The following SLC30A6 variants were observed in gnomAD, a reference collection of about 807,000 sequenced individuals.
The protein encoded by SLC30A6 is zinc transporter 6.
Under a neutral mutation model 63.0 loss-of-function variants are expected in SLC30A6, and 55 were observed. The observed-to-expected ratio is 0.87, with a 90% CI of 0.70 to 1.09. The LOEUF is 1.09. Among genes scored for constraint, SLC30A6 ranks in the 50% least tolerant of loss-of-function variants. The pLI, the probability that SLC30A6 is intolerant of heterozygous loss-of-function variation, is 0.00. For missense variants in SLC30A6, 587 were observed against 549.2 expected (o/e 1.07, Z -0.69); for synonymous variants, 224 against 186.1 (o/e 1.20, Z -1.66).
chr2:32,192,320 A>G lies in SLC30A6; in HGVS notation c.285-16A>G. The G allele has an allele frequency of 3.7e-6, 6 of 1,611,414 alleles. No individual in the cohort carries two copies. In the South Asian group the frequency reaches 6.6e-5, roughly 18 times the overall value. On this transcript the variant is annotated splice_polypyrimidine_tract_variant and intron_variant, in intron 5 of 13. Transcript: ENST00000282587. ...TTGAAAGAATTGTGATGATCTAATT[A>G]ATGTTTTGGTTTCAGGTTTGAAAGA... is the stretch of plus-strand genomic sequence containing the variant.
rs183331834 is a variant in SLC30A6 at position 32,176,432 on chromosome 2, G to C, written c.218+1071G>C. ...CCAGCACTTTGGGAAGCTGAGGAGG[G>C]TGGATCACAAAGTCAGGAGTTCGAG... On this transcript the variant is annotated intron_variant, in intron 4 of 13. Coordinates refer to ENST00000282587, the MANE Select transcript of SLC30A6 (RefSeq NM_017964.5). Among the ~76,000 whole-genome samples the C allele has an allele frequency of 8.2e-4, 124 of 152,136 alleles. 1 individual carries two copies. Among genetic ancestry groups the C allele is most frequent in the African/African-American group, 3.0e-3 (123 of 41,510 alleles).
chr2:32,223,471 A>G lies in SLC30A6; in HGVS notation c.*2758A>G, dbSNP rs1173658206. 1 of 152,258 alleles carries G rather than the reference A, an allele frequency of 6.6e-6. No individual in the cohort carries two copies. The highest frequency in any genetic ancestry group is 1.5e-5 in the Non-Finnish European group (1 of 68,050). 9.4% of individuals were successfully genotyped at this position (152,258 alleles called of 1,614,324 possible). ...AAATCATCTGAGCTTTCTCATCTGT[A>G]AAGTTAGGGAGAGGAATTAATTAGT... is the stretch of plus-strand genomic sequence containing the variant. On this transcript the variant is annotated 3_prime_UTR_variant, in exon 14 of 14. Coordinates refer to ENST00000282587, the MANE Select transcript of SLC30A6 (RefSeq NM_017964.5).
chr2:32,206,302 C>T (rs963564858), intron 11 of SLC30A6, among the ~76,000 whole-genome samples: 4 of 151,854 alleles, frequency 2.6e-5, no homozygotes, highest in Non-Finnish European at 5.9e-5. Context: ...AAAAATTAGC[C>T]GGGCATGGTG....
At chr2:32,201,627 A>C (rs1019710613) in intron 10 of SLC30A6, 39 of 1,515,894 alleles carry the variant, frequency 2.6e-5, no homozygotes, top group Admixed American at 7.9e-5. Context: ...CTGGGGGTAC[A>C]TTATGGAACT....
chr2:32,183,165 C>T (rs962705153), intron 4 of SLC30A6, among the ~76,000 whole-genome samples: 11 of 151,522 alleles, frequency 7.3e-5, no homozygotes, highest in East Asian at 3.9e-4. Context: ...CCAGCCTGGG[C>T]GATAGAGTGA....
At chr2:32,203,757 G>T in intron 10 of SLC30A6, 2 of 1,510,204 alleles carry the variant, frequency 1.3e-6, no homozygotes, top group Non-Finnish European at 9.2e-7. Flanking sequence ...ATTCCGACTG[G>T]ATATTCTCAG....
At chr2:32,205,219 G>T (rs1484618377) in intron 11 of SLC30A6, among the ~76,000 whole-genome samples, 2 of 152,122 alleles carry the variant, frequency 1.3e-5, no homozygotes, top group African/African-American at 4.8e-5. Context: ...AGTAGTTCGA[G>T]ACCAGCCTGG....
At chr2:32,167,455 A>G (rs1357810435) in intron 1 of SLC30A6, among the ~76,000 whole-genome samples, 3 of 151,250 alleles carry the variant, frequency 2.0e-5, no homozygotes, top group Non-Finnish European at 4.4e-5. Context: ...TAGCTTGCAA[A>G]TCATGCTGTA....
At chr2:32,180,188 G>A (rs1036542525) in intron 4 of SLC30A6, among the ~76,000 whole-genome samples, 3 of 152,020 alleles carry the variant, frequency 2.0e-5, no homozygotes, top group African/African-American at 7.3e-5. Context: ...GACTGCTTGA[G>A]CCCAGGAGTT....
Position 32,171,372 on chromosome 2 carries a change from G to T in SLC30A6, c.89G>T (p.Arg30Met). 6.2e-7 allele frequency: 1 copy of T among 1,612,452 alleles called. No homozygotes were observed. The highest frequency in any genetic ancestry group is 1.1e-5 in the South Asian group (1 of 91,014). ...TTTAGACTTGTAGCAGCTGACCGAA[G>T]GGTAAGTTATTCCTTAACCCCAATT... The part of the protein sequence containing the change: ...REFRLVAADR[R>M]SWKILLFGVI... Residue 30 changes from arginine (R) to methionine (M), a missense_variant and splice_region_variant, in exon 2 of 14, where the codon AGG (arginine) becomes ATG (methionine). Physicochemically the swap from Arg to Met is moderately conservative, Grantham distance 91. Coordinates refer to ENST00000282587, the MANE Select transcript of SLC30A6 (RefSeq NM_017964.5).
intron 10 of SLC30A6, chr2:32,202,290 T>G: frequency 2.0e-6 from 1 of 496,054 alleles, no homozygotes; most frequent in Non-Finnish European, 3.6e-6. Flanking sequence ...TATTTTGCGA[T>G]CCCTTTGATT....
At chr2:32,167,872 T>G (rs868818166) in intron 1 of SLC30A6, among the ~76,000 whole-genome samples, 1 of 152,326 alleles carries the variant, frequency 6.6e-6, no homozygotes, top group South Asian at 2.1e-4. Flanking sequence ...TCTCTTGTGT[T>G]TTTTACCAGT....
intron 12 of SLC30A6, among the ~76,000 whole-genome samples, 163 bp from the exon 13 acceptor site, chr2:32,209,328 CAG>C (rs1289258761): frequency 6.6e-6 from 1 of 152,174 alleles, no homozygotes; most frequent in South Asian, 2.1e-4. Flanking sequence ...ATGGAACAAA[CAG>C]GAATGGTATC....
chr2:32,184,175 C>G (rs1358409865), intron 4 of SLC30A6, 98 bp from the exon 5 acceptor site: 3 of 471,856 alleles, frequency 6.4e-6, no homozygotes, highest in Non-Finnish European at 1.1e-5. Context: ...TGTGCAAACA[C>G]AGATAACTTT....
In SLC30A6 at chr2:32,190,617, A is replaced by G. The variant is rs970675756; in HGVS notation, c.285-1719A>G. Among the ~76,000 whole-genome samples, 14 of 152,028 alleles carry G rather than the reference A, an allele frequency of 9.2e-5. No individual in the cohort carries two copies. In the East Asian group the frequency reaches 2.3e-3, roughly 25 times the overall value. On this transcript the variant is annotated intron_variant, in intron 5 of 13. Coordinates refer to ENST00000282587, the MANE Select transcript of SLC30A6 (RefSeq NM_017964.5). The stretch of plus-strand genomic sequence containing the variant: ...TTGATTTTTCATATTTAATCCTACA[A>G]TCCAGTTGGAATAGATTTTTTTGGT...
In SLC30A6 at chr2:32,224,320, T is replaced by G. The variant is rs1391147960; in HGVS notation, c.*3607T>G. 1.7e-6 allele frequency: 1 copy of G among 586,184 alleles called. No homozygotes were observed. The highest frequency in any genetic ancestry group is 2.9e-6 in the Non-Finnish European group (1 of 339,472). 36.3% of individuals were successfully genotyped at this position (586,184 alleles called of 1,614,324 possible). On this transcript the variant is annotated 3_prime_UTR_variant, in exon 14 of 14. Coordinates refer to ENST00000282587, the MANE Select transcript of SLC30A6 (RefSeq NM_017964.5). ...GCGCCGATAATCCTAGTAGGAGAGC[T>G]AAGACACAAAACTGTTGCATGTTTT...
chr2:32,221,464 T>C lies in SLC30A6; in HGVS notation c.*751T>C, dbSNP rs1015770414. 1 of 152,186 alleles carries C rather than the reference T, an allele frequency of 6.6e-6. No homozygotes were observed. Among genetic ancestry groups the C allele is most frequent in the African/African-American group, 2.4e-5 (1 of 41,446 alleles). 9.4% of individuals were successfully genotyped at this position (152,186 alleles called of 1,614,324 possible). ...TGAGCCACCGCACCTGGCCGATATT[T>C]TCTTTAATGAAATTTATAAATATGC... is the stretch of plus-strand genomic sequence containing the variant. On this transcript the variant is annotated 3_prime_UTR_variant, in exon 14 of 14. Coordinates refer to ENST00000282587, the MANE Select transcript of SLC30A6 (RefSeq NM_017964.5).
rs569035118 is a variant in SLC30A6 at position 32,221,782 on chromosome 2, C to A, written c.*1069C>A. Reference sequence around the variant, plus strand: ...TGTTTTATTTTGATTAAGTGACTACCCAACTTTTGGTGATATGCAGTGAAA... The same window carrying A: ...TGTTTTATTTTGATTAAGTGACTACACAACTTTTGGTGATATGCAGTGAAA... On this transcript the variant is annotated 3_prime_UTR_variant, in exon 14 of 14. Transcript: ENST00000282587. 1 of 152,056 alleles carries A rather than the reference C, an allele frequency of 6.6e-6. No homozygotes were observed. The highest frequency in any genetic ancestry group is 2.1e-4 in the South Asian group (1 of 4,818). 9.4% of individuals were successfully genotyped at this position (152,056 alleles called of 1,614,324 possible). A position where few individuals can be genotyped will look rare whatever the true frequency, so the allele number is the denominator to read the frequency against.
chr2:32,188,180 A>G (rs1683005035), intron 5 of SLC30A6, among the ~76,000 whole-genome samples: 1 of 152,096 alleles, frequency 6.6e-6, no homozygotes, highest in Non-Finnish European at 1.5e-5. Context: ...GGTCCTTTAT[A>G]TAAGATCTGC....
Sources: gnomAD v4.1 joint callset for allele counts (sites outside exome capture counted in the v4.1 genomes callset) on GRCh38, gnomAD v4.1.1 for gene constraint, MANE v1.5 for transcripts, NCBI Gene and HGNC (gene_info 2026-07-23, HGNC 2026-07-21) for gene names.